Variants in CHMP2B observed in about 807,000 individuals in gnomAD.
CHMP2B encodes charged multivesicular body protein 2B, also known as VPS2 homolog B.
Under a neutral mutation model 29.8 loss-of-function variants are expected in CHMP2B, and 22 were observed. That is an observed-to-expected ratio of 0.74 (90% confidence interval 0.53 to 1.05). CHMP2B has a LOEUF of 1.05. Ranked by LOEUF, CHMP2B falls within the 50% of genes least tolerant of loss-of-function variation. The pLI, the probability that CHMP2B is intolerant of heterozygous loss-of-function variation, is 0.00. For missense variants in CHMP2B, 261 were observed against 252.2 expected (o/e 1.03, Z -0.24); for synonymous variants, 78 against 75.8 (o/e 1.03, Z -0.15).
rs561968888 is a variant in CHMP2B at position 87,245,992 on chromosome 3, C to A, written c.321+84C>A. The A allele has an allele frequency of 3.6e-6, 4 of 1,105,574 alleles. No individual in the cohort carries two copies. In the Admixed American group the frequency reaches 5.6e-5, roughly 16 times the overall value. The allele number at this position is 1,105,574 out of a possible 1,614,324, so 68.5% of individuals were successfully genotyped here. A position where few individuals can be genotyped will look rare whatever the true frequency, so the allele number is the denominator to read the frequency against. On this transcript the variant is annotated intron_variant, in intron 3 of 5. Transcript: ENST00000263780. ...AATATTGAAAGCAGATTTAAAAGCA[C>A]CTCCTGGTGTATATGTGATACAAAA... is the stretch of plus-strand genomic sequence containing the variant.
intron 2 of CHMP2B, among the ~76,000 whole-genome samples, chr3:87,243,737 T>C (rs2106905696): frequency 6.6e-6 from 1 of 152,286 alleles, no homozygotes; most frequent in South Asian, 2.1e-4. Flanking sequence ...TCAAGTAACT[T>C]GTCCATTTCT....
intron 1 of CHMP2B, among the ~76,000 whole-genome samples, chr3:87,230,225 A>G (rs1373197358): frequency 6.6e-6 from 1 of 152,216 alleles, no homozygotes; most frequent in Non-Finnish European, 1.5e-5. Context: ...AGTTCTTTAA[A>G]CACTATATAA....
chr3:87,234,780 T>A (rs1007459983), intron 1 of CHMP2B, among the ~76,000 whole-genome samples: 2 of 152,152 alleles, frequency 1.3e-5, no homozygotes. Flanking sequence ...AGTCAAGCAC[T>A]CCATCTCTCT....
intron 2 of CHMP2B, among the ~76,000 whole-genome samples, chr3:87,245,317 AATTATCTAT>A (rs1396522886): frequency 6.6e-6 from 1 of 151,974 alleles, no homozygotes; most frequent in Admixed American, 6.6e-5. Flanking sequence ...TATTTAATGT[AATTATCTAT>A]ATTACTAGTT....
Position 87,253,774 on chromosome 3 carries a change from C to T in CHMP2B, c.594C>T (p.Ile198=). ...CTGCCTCTACTTCAAAGGCTACAAT[C>T]TCAGATGAAGAGATTGAACGGCAAC... is the stretch of plus-strand genomic sequence containing the variant. ...LPSASTSKAT[I]SDEEIERQLK... Residue 198 remains isoleucine, a synonymous_variant, in exon 6 of 6, where the codon ATC becomes ATT. Coordinates refer to ENST00000263780, the MANE Select transcript of CHMP2B (RefSeq NM_014043.4). 6.2e-7 allele frequency: 1 copy of T among 1,612,446 alleles called. No homozygotes were observed. Among genetic ancestry groups the T allele is most frequent in the Non-Finnish European group, 8.5e-7 (1 of 1,178,768 alleles).
chr3:87,227,627 C>G, intron 1 of CHMP2B, 71 bp downstream of exon 1: 6 of 1,587,110 alleles, frequency 3.8e-6, no homozygotes, highest in Non-Finnish European at 5.2e-6. Context: ...CTGCTGGCCG[C>G]GATTCTGCCT....
At position 87,245,776 on chromosome 3, in the gene CHMP2B, A is replaced by G. The variant is rs575034954; in HGVS notation, c.189A>G (p.Lys63=). 24 of 1,613,920 alleles carry G rather than the reference A, an allele frequency of 1.5e-5. No individual in the cohort carries two copies. Among genetic ancestry groups the G allele is most frequent in the Non-Finnish European group, 2.0e-5 (24 of 1,179,928 alleles). Reference sequence around the variant, plus strand: ...AGGAAGCTTGCAAAGTTTTAGCCAAACAACTTGTGCATCTACGGAAACAGA... The same window carrying G: ...AGGAAGCTTGCAAAGTTTTAGCCAAGCAACTTGTGCATCTACGGAAACAGA... ...GNKEACKVLA[K]QLVHLRKQKT... is the part of the protein sequence containing the mutation. Residue 63 remains lysine (K), a synonymous_variant, in exon 3 of 6, where the codon AAA becomes AAG. Coordinates refer to ENST00000263780, the MANE Select transcript of CHMP2B (RefSeq NM_014043.4).
intron 1 of CHMP2B, among the ~76,000 whole-genome samples, chr3:87,234,310 TA>T (rs1705960550): frequency 6.6e-6 from 1 of 152,148 alleles, no homozygotes; most frequent in Admixed American, 6.5e-5. Context: ...TTTGACTTTT[TA>T]TTTTTTGTAA....
intron 3 of CHMP2B, among the ~76,000 whole-genome samples, chr3:87,247,233 T>A (rs1012609167): frequency 1.3e-5 from 2 of 152,218 alleles, no homozygotes; most frequent in Admixed American, 6.5e-5. Flanking sequence ...AATCTGTACC[T>A]AACTAACCTT....
In CHMP2B at chr3:87,252,897, T is replaced by G. The variant is rs181692916; in HGVS notation, c.425-507T>G. Reference sequence around the variant, plus strand: ...AATAATCCTGTTAAATCGGACATCATTCTTTGGGCAAATTTAATAAAATAT... The same window carrying G: ...AATAATCCTGTTAAATCGGACATCAGTCTTTGGGCAAATTTAATAAAATAT... On this transcript the variant is annotated intron_variant, in intron 4 of 5. Coordinates refer to ENST00000263780, the MANE Select transcript of CHMP2B (RefSeq NM_014043.4). Among the ~76,000 whole-genome samples the G allele has an allele frequency of 2.0e-5, 3 of 152,096 alleles. No individual in the cohort carries two copies. The East Asian group carries it at 5.8e-4, about 29-fold the overall frequency.
At chr3:87,232,606 C>A (rs983828944) in intron 1 of CHMP2B, among the ~76,000 whole-genome samples, 1 of 152,094 alleles carries the variant, frequency 6.6e-6, no homozygotes, top group South Asian at 2.1e-4. Context: ...ATAGATATTT[C>A]TGTAGGAAAA....
chr3:87,231,529 C>A (rs1705909519), intron 1 of CHMP2B, among the ~76,000 whole-genome samples: 1 of 152,046 alleles, frequency 6.6e-6, no homozygotes, highest in African/African-American at 2.4e-5. Context: ...AACTTGAACC[C>A]AAATCTGACT....
In CHMP2B at chr3:87,254,641, G is replaced by T. The variant is rs1706372361; in HGVS notation, c.*819G>T. 1 of 151,728 alleles carries T rather than the reference G, an allele frequency of 6.6e-6. No homozygotes were observed. The highest frequency in any genetic ancestry group is 6.6e-5 in the Admixed American group (1 of 15,188). The allele number at this position is 151,728 out of a possible 1,614,324, so 9.4% of individuals were successfully genotyped here. Reference sequence around the variant, plus strand: ...CAGACCTATGATGACTTGTCCCTTTGATGTCACTACTGTGAATTGAATATA... The same window carrying T: ...CAGACCTATGATGACTTGTCCCTTTTATGTCACTACTGTGAATTGAATATA... On this transcript the variant is annotated 3_prime_UTR_variant, in exon 6 of 6. Coordinates refer to ENST00000263780, the MANE Select transcript of CHMP2B (RefSeq NM_014043.4).
chr3:87,245,135 C>G (rs1443702146), intron 2 of CHMP2B, among the ~76,000 whole-genome samples: 1 of 152,066 alleles, frequency 6.6e-6, no homozygotes, highest in Admixed American at 6.6e-5. Flanking sequence ...ATTAATATAG[C>G]CACTCTAGAT....
At chr3:87,238,690 A>G (rs894861588) in intron 1 of CHMP2B, among the ~76,000 whole-genome samples, 1 of 152,098 alleles carries the variant, frequency 6.6e-6, no homozygotes, top group Non-Finnish European at 1.5e-5. Flanking sequence ...CCGTTTGTTT[A>G]TCTGTGCACC....
chr3:87,227,325 C>G lies in CHMP2B; in HGVS notation c.-198C>G, dbSNP rs1403156759. 3.2e-6 allele frequency: 2 copies of G among 633,938 alleles called. No homozygotes were observed. Among genetic ancestry groups the G allele is most frequent in the Non-Finnish European group, 5.7e-6 (2 of 353,946 alleles). 39.3% of individuals were successfully genotyped at this position (633,938 alleles called of 1,614,324 possible). ...AAAAAGTGTGTTAGTTCCCGGTCAC[C>G]TGAGCTCCGGGTGACGCGGCTGCGG... On this transcript the variant is annotated 5_prime_UTR_variant, in exon 1 of 6. Transcript: ENST00000263780.
Position 87,254,012 on chromosome 3 carries a change from G to A in CHMP2B, c.*190G>A, listed in dbSNP as rs1706359997. On this transcript the variant is annotated 3_prime_UTR_variant, in exon 6 of 6. Transcript: ENST00000263780. The stretch of plus-strand genomic sequence containing the variant: ...AAGAATGACAATGATGCAAAAATGG[G>A]AACAGTTTGGATTTTAATTAGAACT... 3.8e-6 allele frequency: 2 copies of A among 523,860 alleles called. No homozygotes were observed. Among genetic ancestry groups the A allele is most frequent in the South Asian group, 2.1e-5 (1 of 48,694 alleles). 32.5% of individuals were successfully genotyped at this position (523,860 alleles called of 1,614,324 possible). A position where few individuals can be genotyped will look rare whatever the true frequency, so the allele number is the denominator to read the frequency against.
At chr3:87,237,698 C>G (rs1039550098) in intron 1 of CHMP2B, among the ~76,000 whole-genome samples, 8 of 151,970 alleles carry the variant, frequency 5.3e-5, no homozygotes, top group African/African-American at 1.7e-4. Flanking sequence ...CAATGCATAC[C>G]CATGTATTAA....
Position 87,253,752 on chromosome 3 carries a change from C to G in CHMP2B, c.572C>G (p.Ala191Gly). The change falls in exon 6 of 6, where the codon GCC becomes GGC. Residue 191 changes from alanine to glycine, a missense_variant. Coordinates refer to ENST00000263780, the MANE Select transcript of CHMP2B (RefSeq NM_014043.4). ...APSAARSLPS[A>G]STSKATISDE... The stretch of plus-strand genomic sequence containing the variant: ...TCAGCTGCTCGAAGCTTACCATCTG[C>G]CTCTACTTCAAAGGCTACAATCTCA... 1 of 1,612,536 alleles carries G rather than the reference C, an allele frequency of 6.2e-7. No homozygotes were observed. Among genetic ancestry groups the G allele is most frequent in the Non-Finnish European group, 8.5e-7 (1 of 1,178,852 alleles).
Sources: allele counts gnomAD v4.1 joint callset (sites outside exome capture counted in the v4.1 genomes callset), GRCh38; gene constraint gnomAD v4.1.1; transcripts MANE v1.5; gene names NCBI Gene and HGNC (gene_info 2026-07-23, HGNC 2026-07-21).